SMYD3: variants seen among roughly 807,000 people sequenced by gnomAD.
SMYD3 encodes the protein SET and MYND domain containing 3, also known as histone-lysine N-methyltransferase SMYD3.
SMYD3 carries 36 observed loss-of-function variants against 57.7 expected under a neutral mutation model. The observed-to-expected ratio is 0.62, with a 90% CI of 0.48 to 0.82. The LOEUF (loss-of-function observed/expected upper bound fraction) is 0.82. Ranked by LOEUF, SMYD3 falls within the 40% of genes least tolerant of loss-of-function variation. SMYD3 has a pLI of 0.00. For synonymous variants in SMYD3, 211 were observed against 195.0 expected (o/e 1.08, Z -0.68); for missense variants, 515 against 538.8 (o/e 0.96, Z 0.44).
At chr1:245,813,127 G>A (rs1412546638) in intron 10 of SMYD3, among the ~76,000 whole-genome samples, 1 of 146,066 alleles carries the variant, frequency 6.8e-6, no homozygotes, top group Non-Finnish European at 1.5e-5. Flanking sequence ...TGATTCTCCT[G>A]CCTCAGCCTC....
Position 246,485,509 on chromosome 1 carries a change from C to T in SMYD3, c.164+21545G>A, listed in dbSNP as rs561911910. 1.3e-3 allele frequency among the ~76,000 whole-genome samples: 202 copies of T among 152,226 alleles called. 1 individual carries two copies. The highest frequency in any genetic ancestry group is 2.5e-3 in the Non-Finnish European group (172 of 68,020). ...TTAATAATAAAGATCTAGCCAGATG[C>T]GGCGGCTCACACTTATAATTCCAAC... is the stretch of plus-strand genomic sequence containing the variant. On this transcript the variant is annotated intron_variant, in intron 1 of 11. Transcript: ENST00000490107.
intron 5 of SMYD3, among the ~76,000 whole-genome samples, chr1:245,980,086 C>T (rs2058558170): frequency 6.6e-6 from 1 of 151,892 alleles, no homozygotes; most frequent in Non-Finnish European, 1.5e-5. Flanking sequence ...AAGTCGGCCT[C>T]ACAGATGAGG....
intron 5 of SMYD3, among the ~76,000 whole-genome samples, chr1:246,237,675 T>C (rs879889522): frequency 5.3e-5 from 8 of 152,234 alleles, no homozygotes; most frequent in Non-Finnish European, 1.2e-4. Context: ...CACAGAACTT[T>C]AAAAAGCTGA....
At chr1:246,227,638 AGAAGAAG>A (rs891625292) in intron 5 of SMYD3, among the ~76,000 whole-genome samples, 113 of 152,138 alleles carry the variant, frequency 7.4e-4, no homozygotes, top group African/African-American at 2.5e-3. Context: ...AGAAGAAAGA[AGAAGAAG>A]GAAGAAGGAA....
chr1:246,235,704 A>G (rs1210184861), intron 5 of SMYD3, among the ~76,000 whole-genome samples: 4 of 152,056 alleles, frequency 2.6e-5, no homozygotes, highest in Non-Finnish European at 2.9e-5. Context: ...TCTAGAGCAA[A>G]TTCCTAGCCT....
chr1:246,351,162 C>T (rs2065816458), intron 2 of SMYD3, among the ~76,000 whole-genome samples: 1 of 152,162 alleles, frequency 6.6e-6, no homozygotes, highest in Admixed American at 6.6e-5. Flanking sequence ...ATACGATTCA[C>T]ATTTTTAAAG....
At chr1:245,895,677 C>G (rs2053728951) in intron 8 of SMYD3, among the ~76,000 whole-genome samples, 1 of 152,234 alleles carries the variant, frequency 6.6e-6, no homozygotes. Flanking sequence ...CTTCCTTTCA[C>G]TCAAACCTGC....
intron 7 of SMYD3, 148 bp downstream of exon 7, chr1:245,927,783 G>C (rs923726156): frequency 4.8e-6 from 3 of 620,092 alleles, no homozygotes; most frequent in Admixed American, 4.4e-5. Flanking sequence ...AGGTTGCTGG[G>C]GAGAGGTGAC....
chr1:245,961,712 T>G (rs1189309435), intron 5 of SMYD3, among the ~76,000 whole-genome samples: 1 of 152,120 alleles, frequency 6.6e-6, no homozygotes, highest in African/African-American at 2.4e-5. Context: ...CTAAGGAACC[T>G]TTAGAGCCAG....
At chr1:245,967,957 G>C (rs542787026) in intron 5 of SMYD3, among the ~76,000 whole-genome samples, 3 of 152,218 alleles carry the variant, frequency 2.0e-5, no homozygotes, top group East Asian at 1.9e-4. Context: ...TGTGGCTTAA[G>C]GATGTTCCTA....
At chr1:246,171,659 T>C (rs1384353365) in intron 5 of SMYD3, among the ~76,000 whole-genome samples, 2 of 152,140 alleles carry the variant, frequency 1.3e-5, no homozygotes, top group East Asian at 1.9e-4. Flanking sequence ...GCAGTTGTAA[T>C]ACAATGGTAG....
At chr1:245,765,907 C>T (rs1176685030) in intron 10 of SMYD3, among the ~76,000 whole-genome samples, 1 of 152,112 alleles carries the variant, frequency 6.6e-6, no homozygotes, top group African/African-American at 2.4e-5. Context: ...AGTGATGAGG[C>T]GGATTTACCA....
Position 246,041,753 on chromosome 1 carries a change from C to T in SMYD3, c.532-111816G>A, listed in dbSNP as rs543211276. On this transcript the variant is annotated intron_variant, in intron 5 of 11. Coordinates refer to ENST00000490107, the MANE Select transcript of SMYD3 (RefSeq NM_001167740.2). Reference sequence around the variant, plus strand: ...AAGAGAATTGGAGGGGGTATAACCTCTCTTCCAATGGACGGACTCAGAGTT... The same window carrying T: ...AAGAGAATTGGAGGGGGTATAACCTTTCTTCCAATGGACGGACTCAGAGTT... Among the ~76,000 whole-genome samples, 4 of 151,966 alleles carry T rather than the reference C, an allele frequency of 2.6e-5. No homozygotes were observed. In the South Asian group the frequency reaches 6.3e-4, roughly 24 times the overall value.
intron 1 of SMYD3, among the ~76,000 whole-genome samples, chr1:246,376,703 A>G (rs1230462328): frequency 1.3e-5 from 2 of 152,060 alleles, no homozygotes; most frequent in African/African-American, 4.8e-5. Context: ...TTCTGGTCTC[A>G]GTCCTGACTT....
chr1:246,280,945 T>G (rs966988595), intron 5 of SMYD3, among the ~76,000 whole-genome samples: 1 of 152,246 alleles, frequency 6.6e-6, no homozygotes, highest in Non-Finnish European at 1.5e-5. Flanking sequence ...TTGTCTATTT[T>G]ATTTGCAAAA....
At chr1:246,055,032 C>T (rs553823237) in intron 5 of SMYD3, among the ~76,000 whole-genome samples, 119 of 151,864 alleles carry the variant, frequency 7.8e-4, no homozygotes, top group Admixed American at 1.8e-3. Context: ...AAAAATTAGC[C>T]GGGCGTGGTG....
At chr1:246,106,544 C>T (rs533005433) in intron 5 of SMYD3, among the ~76,000 whole-genome samples, 2 of 152,192 alleles carry the variant, frequency 1.3e-5, no homozygotes, top group Non-Finnish European at 2.9e-5. Context: ...ACATACATCA[C>T]ACTGACAGAG....
At chr1:245,753,452 T>C (rs1207568086) in intron 11 of SMYD3, among the ~76,000 whole-genome samples, 1 of 152,172 alleles carries the variant, frequency 6.6e-6, no homozygotes. Flanking sequence ...TGTGCGTGGA[T>C]GAATGGTGTG....
intron 11 of SMYD3, among the ~76,000 whole-genome samples, chr1:245,753,457 G>A (rs936473714): frequency 2.0e-5 from 3 of 152,310 alleles, no homozygotes; most frequent in South Asian, 2.1e-4. Context: ...GTGGATGAAT[G>A]GTGTGACACA....
Sources: allele counts gnomAD v4.1 joint callset (sites outside exome capture counted in the v4.1 genomes callset), GRCh38; gene constraint gnomAD v4.1.1; transcripts MANE v1.5; gene names NCBI Gene and HGNC (gene_info 2026-07-23, HGNC 2026-07-21).